Variants in RBMS3 observed in about 807,000 individuals in gnomAD.
RBMS3 encodes the protein RNA binding motif single stranded interacting protein 3.
A neutral mutation model predicts 66.8 loss-of-function variants in RBMS3; 27 were observed. The ratio of observed to expected loss-of-function variants is 0.40; its 90% confidence interval spans 0.30 to 0.56. The LOEUF is 0.56. Ranked by LOEUF, RBMS3 falls within the 20% of genes least tolerant of loss-of-function variation. RBMS3 has a pLI of 0.40. For synonymous variants in RBMS3, 188 were observed against 183.0 expected, an observed-to-expected ratio of 1.03 and a Z score of -0.22; for missense variants, 513 against 549.5, an observed-to-expected ratio of 0.93 and a Z score of 0.66.
intron 1 of RBMS3, among the ~76,000 whole-genome samples, chr3:29,394,086 G>A (rs1359416614): frequency 6.6e-6 from 1 of 152,160 alleles, no homozygotes; most frequent in Non-Finnish European, 1.5e-5. Context: ...GCAAGCCTGA[G>A]ATCACTGCAG....
intron 1 of RBMS3, among the ~76,000 whole-genome samples, chr3:29,333,472 C>T (rs1051003704): frequency 5.3e-5 from 8 of 152,108 alleles, no homozygotes; most frequent in African/African-American, 1.7e-4. Flanking sequence ...TGCATTAACC[C>T]ATTCTTCTTT....
At chr3:29,717,585 A>T (rs1254826544) in intron 4 of RBMS3, among the ~76,000 whole-genome samples, 1 of 152,130 alleles carries the variant, frequency 6.6e-6, no homozygotes, top group Non-Finnish European at 1.5e-5. Context: ...GAGCTACTAG[A>T]TTGCTAATTT....
chr3:29,884,310 A>C (rs2059807322), intron 8 of RBMS3, 102 bp downstream of exon 8: 8 of 1,093,268 alleles, frequency 7.3e-6, no homozygotes, highest in Non-Finnish European at 1.1e-5. Context: ...TTTGTTTTAC[A>C]TCCTTAAACA....
At chr3:29,494,201 T>A (rs540939717) in intron 3 of RBMS3, among the ~76,000 whole-genome samples, 41 of 152,304 alleles carry the variant, frequency 2.7e-4, no homozygotes, top group African/African-American at 9.6e-4. Context: ...AAAATTAACC[T>A]AATGCATTAA....
At position 29,903,665 on chromosome 3, in the gene RBMS3, T is replaced by A. The variant is rs2060307463; in HGVS notation, c.939+3910T>A. On this transcript the variant is annotated intron_variant, in intron 10 of 14. Transcript: ENST00000383767. ...AAGCAGAGTTCCACTTTCTTAAACT[T>A]TATTTAAGCTCATTTGAAGCATAAA... Among the ~76,000 whole-genome samples, 4 of 151,986 alleles carry A rather than the reference T, an allele frequency of 2.6e-5. No homozygotes were observed. The South Asian group carries it at 8.3e-4, about 31-fold the overall frequency.
chr3:29,468,162 A>G (rs1020317207), intron 2 of RBMS3, among the ~76,000 whole-genome samples: 3 of 152,292 alleles, frequency 2.0e-5, no homozygotes, highest in African/African-American at 7.2e-5. Context: ...GGTTGCTTTT[A>G]TACATTTTAT....
At chr3:29,805,651 C>A (rs75837784) in intron 6 of RBMS3, among the ~76,000 whole-genome samples, 3,897 of 151,796 alleles carry the variant, frequency 0.026, 71 homozygotes, top group East Asian at 0.14. Flanking sequence ...AGTATAAATA[C>A]TAATTTTAAA....
intron 6 of RBMS3, among the ~76,000 whole-genome samples, chr3:29,817,832 G>C (rs2057957176): frequency 6.6e-6 from 1 of 151,782 alleles, no homozygotes; most frequent in Admixed American, 6.6e-5. Context: ...CAAGCAGAAG[G>C]AGCCATTGTA....
At position 29,542,128 on chromosome 3, in the gene RBMS3, A is replaced by G. The variant is rs375639700; in HGVS notation, c.308-44986A>G. Among the ~76,000 whole-genome samples, 12 of 152,294 alleles carry G rather than the reference A, an allele frequency of 7.9e-5. No individual in the cohort carries two copies. The East Asian group carries it at 2.3e-3, about 29-fold the overall frequency. ...CTGCAACAGACCCTGTATGTCCAGG[A>G]TGTAGAACATTCTGGAAAGTGGTGG... On this transcript the variant is annotated intron_variant, in intron 3 of 14. Coordinates refer to ENST00000383767, the MANE Select transcript of RBMS3 (RefSeq NM_001003793.3).
At chr3:29,731,710 C>T (rs939251233) in intron 4 of RBMS3, among the ~76,000 whole-genome samples, 8 of 152,118 alleles carry the variant, frequency 5.3e-5, no homozygotes, top group African/African-American at 1.9e-4. Context: ...CAGAGCTGAT[C>T]GTATGTCCTC....
intron 6 of RBMS3, among the ~76,000 whole-genome samples, chr3:29,796,184 G>T (rs563067502): frequency 6.0e-4 from 92 of 152,246 alleles, no homozygotes; most frequent in South Asian, 1.4e-3. Context: ...CTAAAAACAT[G>T]TATATTGGGC....
chr3:29,631,042 C>A (rs951330886), intron 4 of RBMS3, among the ~76,000 whole-genome samples: 1 of 151,844 alleles, frequency 6.6e-6, no homozygotes. Flanking sequence ...GACCTAATAT[C>A]CTCTAATGCT....
chr3:29,957,374 C>T (rs1264522956), intron 12 of RBMS3, among the ~76,000 whole-genome samples: 6 of 152,050 alleles, frequency 3.9e-5, no homozygotes, highest in Admixed American at 1.3e-4. Flanking sequence ...AATGCTGATT[C>T]GTTAGACACA....
intron 3 of RBMS3, among the ~76,000 whole-genome samples, chr3:29,530,705 C>A (rs368565712): frequency 1.8e-3 from 225 of 123,530 alleles, no homozygotes; most frequent in African/African-American, 2.1e-3. Flanking sequence ...ACTAAAAATA[C>A]AAAAAAAAAA....
Position 29,340,179 on chromosome 3 carries a change from C to A in RBMS3, c.75+58423C>A, listed in dbSNP as rs565626594. On this transcript the variant is annotated intron_variant, in intron 1 of 14. Coordinates refer to ENST00000383767, the MANE Select transcript of RBMS3 (RefSeq NM_001003793.3). ...GCTACATAATTTGTGGAGCCTAGTT[C>A]AAAATGATAATATGAGGCTTCTGGT... 5.9e-5 allele frequency among the ~76,000 whole-genome samples: 9 copies of A among 152,144 alleles called. No homozygotes were observed. The South Asian group carries it at 1.7e-3, about 28-fold the overall frequency.
intron 4 of RBMS3, among the ~76,000 whole-genome samples, chr3:29,648,376 A>G (rs2050022002): frequency 6.9e-6 from 1 of 145,568 alleles, no homozygotes; most frequent in African/African-American, 2.6e-5. Flanking sequence ...GGCTCAAGTT[A>G]TCCTCCCACC....
chr3:29,883,812 T>A (rs1233020802), intron 7 of RBMS3, among the ~76,000 whole-genome samples: 2 of 152,068 alleles, frequency 1.3e-5, no homozygotes, highest in East Asian at 3.9e-4. Context: ...TCGTTCTTAC[T>A]TTTTTATCAT....
At chr3:29,965,311 A>C (rs535242470) in intron 12 of RBMS3, among the ~76,000 whole-genome samples, 1 of 152,320 alleles carries the variant, frequency 6.6e-6, no homozygotes, top group South Asian at 2.1e-4. Context: ...ACTGTTTTCC[A>C]TAGCAGCTTT....
chr3:29,540,877 G>A (rs559456986), intron 3 of RBMS3, among the ~76,000 whole-genome samples: 10 of 152,138 alleles, frequency 6.6e-5, no homozygotes, highest in African/African-American at 2.4e-4. Flanking sequence ...TGGGCTCATC[G>A]CAATTTAACA....
Sources: allele counts gnomAD v4.1 joint callset (sites outside exome capture counted in the v4.1 genomes callset), GRCh38; gene constraint gnomAD v4.1.1; transcripts MANE v1.5; gene names NCBI Gene and HGNC (gene_info 2026-07-23, HGNC 2026-07-21).